VWC2L: variants seen among roughly 807,000 people sequenced by gnomAD.
VWC2L encodes the protein von Willebrand factor C domain-containing protein 2-like.
In VWC2L, 10 loss-of-function variants were observed where a neutral mutation model predicts 21.6. That is an observed-to-expected ratio of 0.46 (90% CI 0.29 to 0.78). The LOEUF (loss-of-function observed/expected upper bound fraction) is 0.78. Ranked by LOEUF, VWC2L falls within the 30% of genes least tolerant of loss-of-function variation. The pLI is 0.10. For missense variants in VWC2L, 209 were observed against 277.1 expected, an observed-to-expected ratio of 0.75 and a Z score of 1.74; for synonymous variants, 96 against 94.3, an observed-to-expected ratio of 1.02 and a Z score of -0.10.
chr2:214,529,072 A>T (rs1291252204), intron 3 of VWC2L, among the ~76,000 whole-genome samples: 1 of 152,176 alleles, frequency 6.6e-6, no homozygotes, highest in Non-Finnish European at 1.5e-5. Flanking sequence ...GCTGGAGAGT[A>T]AGGGACTTGC....
At chr2:214,491,147 T>C (rs1057297880) in intron 3 of VWC2L, among the ~76,000 whole-genome samples, 1 of 152,224 alleles carries the variant, frequency 6.6e-6, no homozygotes, top group Admixed American at 6.5e-5. Context: ...CACTGAATTA[T>C]ACACTTTAAA....
intron 3 of VWC2L, among the ~76,000 whole-genome samples, chr2:214,441,327 C>T (rs888242800): frequency 2.0e-5 from 3 of 151,572 alleles, no homozygotes; most frequent in South Asian, 2.1e-4. Flanking sequence ...GAAAGGAAAA[C>T]GATTCTGCAG....
chr2:214,463,581 T>C (rs1307922196), intron 3 of VWC2L, among the ~76,000 whole-genome samples: 2 of 152,200 alleles, frequency 1.3e-5, no homozygotes, highest in African/African-American at 4.8e-5. Context: ...TGTTGATACA[T>C]GGTTTAAATT....
At chr2:214,480,526 T>C (rs1287594812) in intron 3 of VWC2L, among the ~76,000 whole-genome samples, 1 of 152,186 alleles carries the variant, frequency 6.6e-6, no homozygotes. Flanking sequence ...TTTAGAAATA[T>C]CTATCTCTTG....
At chr2:214,430,518 G>A (rs1455234192) in intron 2 of VWC2L, among the ~76,000 whole-genome samples, 3 of 152,064 alleles carry the variant, frequency 2.0e-5, no homozygotes, top group African/African-American at 7.2e-5. Flanking sequence ...TACAATGTAT[G>A]TTTAATGAAT....
intron 2 of VWC2L, among the ~76,000 whole-genome samples, chr2:214,423,844 C>T (rs1451628421): frequency 6.6e-6 from 1 of 151,852 alleles, no homozygotes; most frequent in Non-Finnish European, 1.5e-5. Flanking sequence ...TTGGATGTAA[C>T]AAAGGAGCAA....
At chr2:214,482,663 ATT>A (rs35827236) in intron 3 of VWC2L, among the ~76,000 whole-genome samples, 3 of 141,988 alleles carry the variant, frequency 2.1e-5, no homozygotes, top group South Asian at 2.1e-4. Flanking sequence ...ATATATATAT[ATT>A]TTTTTTTCTT....
chr2:214,515,702 C>T (rs1190813383), intron 3 of VWC2L, among the ~76,000 whole-genome samples: 3 of 152,118 alleles, frequency 2.0e-5, no homozygotes, highest in African/African-American at 7.2e-5. Flanking sequence ...TGCAGGCACC[C>T]ACCACCAGTC....
chr2:214,447,992 A>C (rs902875488), intron 3 of VWC2L, among the ~76,000 whole-genome samples: 7 of 152,042 alleles, frequency 4.6e-5, no homozygotes, highest in African/African-American at 4.8e-5. Flanking sequence ...CAGAACCACC[A>C]GGGTATCCCT....
intron 3 of VWC2L, among the ~76,000 whole-genome samples, chr2:214,507,455 G>T (rs1034692709): frequency 6.6e-6 from 1 of 152,168 alleles, no homozygotes; most frequent in Non-Finnish European, 1.5e-5. Context: ...TTGACCCTCA[G>T]ATTTGTAAAC....
In VWC2L at chr2:214,536,027, C is replaced by T. The variant is rs529762378; in HGVS notation, c.521-39645C>T. ...CATCTCTTTTTGGCACAGGGGAAATCAAAGTGTTTCTCCTAACTTTGTTCT... is the reference window on the plus strand; with the variant it reads ...CATCTCTTTTTGGCACAGGGGAAATTAAAGTGTTTCTCCTAACTTTGTTCT... On this transcript the variant is annotated intron_variant, in intron 3 of 3. Transcript: ENST00000312504. Among the ~76,000 whole-genome samples, 26 of 152,180 alleles carry T rather than the reference C, an allele frequency of 1.7e-4. No individual in the cohort carries two copies. The South Asian group carries it at 2.5e-3, about 15-fold the overall frequency.
chr2:214,484,078 T>C (rs1688643460), intron 3 of VWC2L, among the ~76,000 whole-genome samples: 3 of 152,148 alleles, frequency 2.0e-5, no homozygotes, highest in African/African-American at 7.2e-5. Context: ...ATCACTCCAA[T>C]CTCTGCCTGC....
At chr2:214,426,171 CA>C (rs34411661) in intron 2 of VWC2L, among the ~76,000 whole-genome samples, 3,676 of 69,810 alleles carry the variant, frequency 0.053, 21 homozygotes, top group African/African-American at 0.11. Flanking sequence ...GGCTTCGTCT[CA>C]AAAAAAAAAA....
chr2:214,419,624 T>G (rs187718029), intron 2 of VWC2L, among the ~76,000 whole-genome samples: 137 of 152,282 alleles, frequency 9.0e-4, no homozygotes, highest in African/African-American at 3.2e-3. Context: ...GGATTTGGAT[T>G]TGCCCAAGAT....
At chr2:214,572,740 G>C (rs527866364) in intron 3 of VWC2L, among the ~76,000 whole-genome samples, 1 of 152,216 alleles carries the variant, frequency 6.6e-6, no homozygotes, top group South Asian at 2.1e-4. Flanking sequence ...CAGCAAACTT[G>C]AGACTTCTGT....
intron 3 of VWC2L, among the ~76,000 whole-genome samples, chr2:214,522,098 G>A (rs57126260): frequency 0.018 from 2,695 of 152,156 alleles, 83 homozygotes; most frequent in African/African-American, 0.061. Context: ...TATTTTGGCC[G>A]GGCGCGGTGG....
At chr2:214,568,143 C>G (rs1178999040) in intron 3 of VWC2L, among the ~76,000 whole-genome samples, 3 of 152,144 alleles carry the variant, frequency 2.0e-5, no homozygotes, top group African/African-American at 7.2e-5. Context: ...CTTTACTTTC[C>G]TCACCTGTGA....
At chr2:214,444,031 T>C (rs1216846873) in intron 3 of VWC2L, among the ~76,000 whole-genome samples, 2 of 152,104 alleles carry the variant, frequency 1.3e-5, no homozygotes, top group African/African-American at 4.8e-5. Flanking sequence ...TATACACATA[T>C]ACATATATAA....
chr2:214,443,017 T>C (rs1008263073), intron 3 of VWC2L, among the ~76,000 whole-genome samples: 7 of 152,148 alleles, frequency 4.6e-5, no homozygotes, highest in African/African-American at 1.7e-4. Context: ...CTAAGGAGAC[T>C]GAATAAAAAT....
Sources: allele counts gnomAD v4.1 joint callset (sites outside exome capture counted in the v4.1 genomes callset), GRCh38; gene constraint gnomAD v4.1.1; transcripts MANE v1.5; gene names NCBI Gene and HGNC (gene_info 2026-07-23, HGNC 2026-07-21).